Variants in LMO4 observed in about 807,000 individuals in gnomAD.
LMO4 encodes LIM domain transcription factor LMO4.
Under a neutral mutation model 18.5 loss-of-function variants are expected in LMO4, and 3 were observed. The observed-to-expected ratio is 0.16, with a 90% confidence interval of 0.07 to 0.42. LMO4 has a LOEUF of 0.42. Among genes scored for constraint, LMO4 ranks in the 10% least tolerant of loss-of-function variants. The pLI is 0.99. For missense variants in LMO4, 121 were observed against 219.9 expected, an observed-to-expected ratio of 0.55 and a Z score of 2.84; for synonymous variants, 100 against 88.1, an observed-to-expected ratio of 1.14 and a Z score of -0.76.
chr1:87,334,048 G>C (rs766283245), intron 2 of LMO4, among the ~76,000 whole-genome samples: 1 of 152,166 alleles, frequency 6.6e-6, no homozygotes, highest in African/African-American at 2.4e-5. Flanking sequence ...TAGGCAAGTG[G>C]CTTCCTGGGA....
chr1:87,339,127 C>T (rs1481423306), intron 2 of LMO4, among the ~76,000 whole-genome samples: 1 of 152,184 alleles, frequency 6.6e-6, no homozygotes, highest in Non-Finnish European at 1.5e-5. Context: ...CCTCTTAACC[C>T]TTTTGATGAC....
At chr1:87,333,213 G>T (rs1002106491) in intron 2 of LMO4, among the ~76,000 whole-genome samples, 1 of 152,048 alleles carries the variant, frequency 6.6e-6, no homozygotes, top group African/African-American at 2.4e-5. Flanking sequence ...GGAGGCATTT[G>T]AAGGATTACA....
rs921580696 is a variant in LMO4 at position 87,331,850 on chromosome 1, T to C, written c.-3-163T>C. On this transcript the variant is annotated intron_variant, in intron 1 of 4. Coordinates refer to ENST00000370544, the MANE Select transcript of LMO4 (RefSeq NM_006769.4). ...GGCTGCTGCCGGCGAGCCTCCCTTC[T>C]TCCCTCTCCCCCTCAGCCTCCTTCC... The C allele has an allele frequency of 1.0e-5, 6 of 596,122 alleles. No individual in the cohort carries two copies. In the African/African-American group the frequency reaches 1.1e-4, roughly 11 times the overall value. 36.9% of individuals were successfully genotyped at this position (596,122 alleles called of 1,614,324 possible).
intron 2 of LMO4, among the ~76,000 whole-genome samples, chr1:87,334,771 G>C (rs558823961): frequency 6.6e-6 from 1 of 152,188 alleles, no homozygotes; most frequent in Non-Finnish European, 1.5e-5. Context: ...CCGCGGCCAA[G>C]TGTCGATGGG....
chr1:87,332,481 C>T (rs1650185739), intron 2 of LMO4, among the ~76,000 whole-genome samples: 1 of 152,230 alleles, frequency 6.6e-6, no homozygotes, highest in South Asian at 2.1e-4. Context: ...TCTGGTGGGA[C>T]TGGGTCATTA....
chr1:87,331,952 C>G, intron 1 of LMO4, 61 bp from the exon 2 acceptor site: 1 of 1,358,992 alleles, frequency 7.4e-7, no homozygotes, highest in Non-Finnish European at 1.0e-6. Flanking sequence ...CCGGCGATTA[C>G]TAACTTTTGC....
chr1:87,336,377 A>T (rs139883140), intron 2 of LMO4, among the ~76,000 whole-genome samples: 1 of 152,356 alleles, frequency 6.6e-6, no homozygotes, highest in African/African-American at 2.4e-5. Flanking sequence ...AAACACAGCC[A>T]GGTAGCGTTT....
rs1650702549 is a variant in LMO4, at chr1:87,348,622, T to C, written c.*3826T>C. 2.2e-6 allele frequency: 1 copy of C among 457,274 alleles called. No individual in the cohort carries two copies. Among genetic ancestry groups the C allele is most frequent in the East Asian group, 6.8e-5 (1 of 14,726 alleles). 28.3% of individuals were successfully genotyped at this position (457,274 alleles called of 1,614,324 possible). Reference sequence around the variant, plus strand: ...AGTTAAAGAGGCATTTGTAGCCCTCTGCTCCCATCGTGAACATGCTGAGAG... The same window carrying C: ...AGTTAAAGAGGCATTTGTAGCCCTCCGCTCCCATCGTGAACATGCTGAGAG... On this transcript the variant is annotated 3_prime_UTR_variant, in exon 5 of 5. Transcript: ENST00000370544.
intron 4 of LMO4, among the ~76,000 whole-genome samples, chr1:87,343,364 A>G (rs1413420229): frequency 6.6e-6 from 1 of 152,324 alleles, no homozygotes; most frequent in South Asian, 2.1e-4. Context: ...ACAACATTTT[A>G]TAACCTATAT....
intron 3 of LMO4, 77 bp from the exon 4 acceptor site, chr1:87,339,970 T>C: frequency 6.9e-7 from 1 of 1,449,746 alleles, no homozygotes; most frequent in Non-Finnish European, 9.5e-7. Flanking sequence ...ACCTGCTTAA[T>C]AACAGGTTAT....
intron 2 of LMO4, among the ~76,000 whole-genome samples, chr1:87,336,350 C>T (rs1218510312): frequency 1.3e-5 from 2 of 152,174 alleles, no homozygotes; most frequent in African/African-American, 4.8e-5. Context: ...CCTCTCCTTG[C>T]CCAAAAGCAG....
rs967775598 is a variant in LMO4, at chr1:87,346,691, A to G, written c.*1895A>G. 6.6e-6 allele frequency: 1 copy of G among 152,188 alleles called. No homozygotes were observed. The allele number at this position is 152,188 out of a possible 1,614,324, so 9.4% of individuals were successfully genotyped here. A position where few individuals can be genotyped will look rare whatever the true frequency, so the allele number is the denominator to read the frequency against. On this transcript the variant is annotated 3_prime_UTR_variant, in exon 5 of 5. Coordinates refer to ENST00000370544, the MANE Select transcript of LMO4 (RefSeq NM_006769.4). ...AAATCAGTTGAACTTCAAACCTCCT[A>G]GAGGAGATTGTAAAGGCATAGAGTT... is the stretch of plus-strand genomic sequence containing the variant.
At chr1:87,331,565 G>A (rs890303594) in intron 1 of LMO4, 14 of 177,358 alleles carry the variant, frequency 7.9e-5, no homozygotes, top group Non-Finnish European at 1.3e-4. Context: ...CCGGGGCCCG[G>A]CGGGGGCTGG....
At chr1:87,338,960 A>G (rs1650395580) in intron 2 of LMO4, among the ~76,000 whole-genome samples, 1 of 152,226 alleles carries the variant, frequency 6.6e-6, no homozygotes, top group African/African-American at 2.4e-5. Flanking sequence ...GCAGAGGCAA[A>G]TCTTAAGTGT....
rs544912949 is a variant in LMO4, at chr1:87,336,907, A to G, written c.237-2629A>G. Among the ~76,000 whole-genome samples, 10 of 152,268 alleles carry G rather than the reference A, an allele frequency of 6.6e-5. 1 individual carries two copies. The South Asian group carries it at 1.4e-3, about 22-fold the overall frequency. ...GCACCTAAAGCCTCGAGCCTTTTAAATCAAACACTGTCCGGACAGTCCCCC... is the reference window on the plus strand; with the variant it reads ...GCACCTAAAGCCTCGAGCCTTTTAAGTCAAACACTGTCCGGACAGTCCCCC... On this transcript the variant is annotated intron_variant, in intron 2 of 4. Coordinates refer to ENST00000370544, the MANE Select transcript of LMO4 (RefSeq NM_006769.4).
rs937481852 is a variant in LMO4 at position 87,346,221 on chromosome 1, C to G, written c.*1425C>G. ...TCCGTATGTATTTTGGGGGAAGATTCTGACTTCATTTAGTCTTAGTCTTGA... is the reference window on the plus strand; with the variant it reads ...TCCGTATGTATTTTGGGGGAAGATTGTGACTTCATTTAGTCTTAGTCTTGA... On this transcript the variant is annotated 3_prime_UTR_variant, in exon 5 of 5. Transcript: ENST00000370544. 3 of 152,200 alleles carry G rather than the reference C, an allele frequency of 2.0e-5. No individual in the cohort carries two copies. In the East Asian group the frequency reaches 5.8e-4, roughly 29 times the overall value. 9.4% of individuals were successfully genotyped at this position (152,200 alleles called of 1,614,324 possible). A position where few individuals can be genotyped will look rare whatever the true frequency, so the allele number is the denominator to read the frequency against.
intron 1 of LMO4, 122 bp from the exon 2 acceptor site, chr1:87,331,891 G>GT: frequency 1.2e-6 from 1 of 801,544 alleles, no homozygotes; most frequent in Non-Finnish European, 2.0e-6. Flanking sequence ...TTGCCCTGCT[G>GT]TTTCCTTCCA....
intron 1 of LMO4, among the ~76,000 whole-genome samples, chr1:87,329,974 G>C (rs1047441806): frequency 6.6e-6 from 1 of 150,956 alleles, no homozygotes; most frequent in Non-Finnish European, 1.5e-5. Flanking sequence ...GTAATTACTA[G>C]AGTATAAGCC....
In LMO4 at chr1:87,337,857, GC is replaced by G. The variant is rs199753408; in HGVS notation, c.237-1673del. On this transcript the variant is annotated intron_variant, in intron 2 of 4. Coordinates refer to ENST00000370544, the MANE Select transcript of LMO4 (RefSeq NM_006769.4). Reference sequence around the variant, plus strand: ...AGCATTAGGAGACAGCAGCCCAGAGGCCCCCCAAGCTCCCACATGGTGTGGT... The same window carrying G: ...AGCATTAGGAGACAGCAGCCCAGAGGCCCCCAAGCTCCCACATGGTGTGGT... Among the ~76,000 whole-genome samples, 577 of 152,252 alleles carry G rather than the reference GC, an allele frequency of 3.8e-3. 5 individuals are homozygous for G. The highest frequency in any genetic ancestry group is 0.013 in the African/African-American group (557 of 41,548).
Sources: gnomAD v4.1 joint callset for allele counts (sites outside exome capture counted in the v4.1 genomes callset) on GRCh38, gnomAD v4.1.1 for gene constraint, MANE v1.5 for transcripts, NCBI Gene and HGNC (gene_info 2026-07-23, HGNC 2026-07-21) for gene names.